The following ZC3H7B variants were observed in gnomAD, a reference collection of about 807,000 sequenced individuals.
The protein encoded by ZC3H7B is zinc finger CCCH-type containing 7B.
In ZC3H7B, 35 loss-of-function variants were observed where a neutral mutation model predicts 116.0. That is an observed-to-expected ratio of 0.30 (90% CI 0.23 to 0.40). The LOEUF (loss-of-function observed/expected upper bound fraction) is 0.40, where lower values mean the gene tolerates loss of function less well. Among genes scored for constraint, ZC3H7B ranks in the 10% least tolerant of loss-of-function variants. The probability of loss-of-function intolerance (pLI) is 1.00; values close to 1 mark genes in which losing one functional copy is unlikely to be tolerated. For missense variants in ZC3H7B, 1,011 were observed against 1,321.5 expected, an observed-to-expected ratio of 0.77 and a Z score of 3.64; for synonymous variants, 502 against 545.6, an observed-to-expected ratio of 0.92 and a Z score of 1.11.
At chr22:41,314,002 G>A (rs760002653) in intron 1 of ZC3H7B, among the ~76,000 whole-genome samples, 24 of 151,364 alleles carry the variant, frequency 1.6e-4, no homozygotes, top group Non-Finnish European at 3.2e-4. Flanking sequence ...AGATCTGCCC[G>A]CCTCAGCCTC....
At chr22:41,315,355 T>TTTTG (rs1426270880) in intron 1 of ZC3H7B, among the ~76,000 whole-genome samples, 1 of 148,858 alleles carries the variant, frequency 6.7e-6, no homozygotes, top group Non-Finnish European at 1.5e-5. Flanking sequence ...TTCTAGTGTT[T>TTTTG]TTTTTTTTTT....
In ZC3H7B at chr22:41,325,729, G is replaced by C. The variant is rs146392494; in HGVS notation, c.96G>C (p.Leu32=). The C allele has an allele frequency of 6.2e-7, 1 of 1,613,166 alleles. No individual in the cohort carries two copies. Among genetic ancestry groups the C allele is most frequent in the African/African-American group, 1.3e-5 (1 of 74,942 alleles). Residue 32 remains leucine, a synonymous_variant, in exon 4 of 23, where the codon CTG becomes CTC. Coordinates refer to ENST00000352645, the MANE Select transcript of ZC3H7B (RefSeq NM_017590.6). The part of the protein sequence containing the change: ...PLKQEEYEAF[L]LKLVQNLFAE... ...CACCTTGCCCCCAACAGGCCTTTCT[G>C]CTCAAGCTGGTGCAGAATCTGTTTG...
intron 18 of ZC3H7B, 51 bp from the exon 19 acceptor site, chr22:41,355,706 C>G (rs370310848): frequency 6.2e-7 from 1 of 1,612,376 alleles, no homozygotes; most frequent in Non-Finnish European, 8.5e-7. Flanking sequence ...AGAGGTCACA[C>G]AGCACACAGG....
chr22:41,339,226 C>T (rs370577576), intron 9 of ZC3H7B, 35 bp downstream of exon 9: 7 of 1,566,502 alleles, frequency 4.5e-6, no homozygotes, highest in Non-Finnish European at 6.1e-6. Flanking sequence ...CTCCCCTGAT[C>T]CCCTCTCCCC....
rs1321132601 is a variant in ZC3H7B, at chr22:41,346,808, TA to T, written c.1665+605del. Among the ~76,000 whole-genome samples the T allele has an allele frequency of 1.3e-5, 2 of 151,424 alleles. No individual in the cohort carries two copies. The highest frequency in any genetic ancestry group is 3.9e-4 in the East Asian group (2 of 5,152). On this transcript the variant is annotated intron_variant, in intron 14 of 22. Transcript: ENST00000352645. This position sits in a 1 kb window ranked among gnomAD's most constrained non-coding sequence, Gnocchi z 5.3. ...TAGAGACTCCATCTCAAAAAAAAAT[TA>T]AAAATTAGCTGGGCTTGGTGGCATG...
intron 13 of ZC3H7B, 88 bp from the exon 14 acceptor site, chr22:41,345,915 G>C (rs1398979905): frequency 3.6e-6 from 5 of 1,376,822 alleles, no homozygotes; most frequent in Non-Finnish European, 5.1e-6. Flanking sequence ...CATGGGGCCA[G>C]AGCCCCACAG....
chr22:41,354,655 A>C (rs558437522), intron 17 of ZC3H7B, among the ~76,000 whole-genome samples: 14 of 152,298 alleles, frequency 9.2e-5, no homozygotes, highest in African/African-American at 3.4e-4. Context: ...TTCACAGAAC[A>C]GCAGGCTGGC....
chr22:41,303,542 C>T (rs775327527), intron 1 of ZC3H7B, among the ~76,000 whole-genome samples: 1 of 152,096 alleles, frequency 6.6e-6, no homozygotes, highest in Non-Finnish European at 1.5e-5. Flanking sequence ...TAGTTTATAA[C>T]AAAAGGGCTT....
intron 6 of ZC3H7B, among the ~76,000 whole-genome samples, chr22:41,331,731 TGTG>T (rs2036386901): frequency 6.6e-6 from 1 of 151,582 alleles, no homozygotes; most frequent in Non-Finnish European, 1.5e-5. Context: ...ATTAGCCTGG[TGTG>T]GTGGTGCATG....
chr22:41,306,739 T>C (rs2036046249), intron 1 of ZC3H7B, among the ~76,000 whole-genome samples: 2 of 152,276 alleles, frequency 1.3e-5, no homozygotes, highest in African/African-American at 4.8e-5. Context: ...GTGAAGAAAC[T>C]GTGGCATAGA....
chr22:41,307,067 G>C lies in ZC3H7B; in HGVS notation c.-7+5295G>C, dbSNP rs567638651. Among the ~76,000 whole-genome samples, 6 of 149,844 alleles carry C rather than the reference G, an allele frequency of 4.0e-5. No individual in the cohort carries two copies. In the South Asian group the frequency reaches 1.1e-3, roughly 27 times the overall value. On this transcript the variant is annotated intron_variant, in intron 1 of 22. Transcript: ENST00000352645. ...TGGCTCACTGCAACCTCTGCCTCCC[G>C]GGTTCAAGCAATTCTCCTGCCTCAG...
chr22:41,303,345 G>C (rs1302884569), intron 1 of ZC3H7B, among the ~76,000 whole-genome samples: 1 of 152,182 alleles, frequency 6.6e-6, no homozygotes, highest in Non-Finnish European at 1.5e-5. Context: ...GTTCTTAGCT[G>C]CTGGCTTTTG....
chr22:41,340,682 T>C (rs969202858), intron 10 of ZC3H7B, among the ~76,000 whole-genome samples: 5 of 151,972 alleles, frequency 3.3e-5, no homozygotes, highest in African/African-American at 1.2e-4. Context: ...CTGGAGGAAG[T>C]GATGACTAGG....
intron 1 of ZC3H7B, among the ~76,000 whole-genome samples, chr22:41,316,043 G>C (rs2036179112): frequency 6.6e-6 from 1 of 151,586 alleles, no homozygotes; most frequent in African/African-American, 2.4e-5. Flanking sequence ...GCCCAGGCTG[G>C]AGTGCAATGG....
At chr22:41,353,861 T>C (rs1390583237) in intron 17 of ZC3H7B, among the ~76,000 whole-genome samples, 1 of 152,158 alleles carries the variant, frequency 6.6e-6, no homozygotes, top group Admixed American at 6.5e-5. Flanking sequence ...AGTCCTCTTT[T>C]CCCCTCCCCA....
At chr22:41,305,703 C>T (rs1018688795) in intron 1 of ZC3H7B, among the ~76,000 whole-genome samples, 2 of 152,110 alleles carry the variant, frequency 1.3e-5, no homozygotes, top group Non-Finnish European at 2.9e-5. Flanking sequence ...GAAGGAGGAC[C>T]GGTCCCTGAG....
rs2036653535 is a variant in ZC3H7B, at chr22:41,351,507, C to G, written c.1949-54C>G. 1 of 1,546,616 alleles carries G rather than the reference C, an allele frequency of 6.5e-7. No individual in the cohort carries two copies. Among genetic ancestry groups the G allele is most frequent in the Admixed American group, 1.9e-5 (1 of 52,956 alleles). On this transcript the variant is annotated intron_variant, in intron 16 of 22. Coordinates refer to ENST00000352645, the MANE Select transcript of ZC3H7B (RefSeq NM_017590.6). The surrounding 1 kb of genome is among the most constrained non-coding windows in gnomAD (Gnocchi z 5.1). ...CTGGCACCTCGTGGACCCCCTGCCT[C>G]CCTCCTTGCTGAGCACCTTGAAAGA... is the stretch of plus-strand genomic sequence containing the variant.
chr22:41,354,386 G>A (rs1233208958), intron 17 of ZC3H7B, among the ~76,000 whole-genome samples: 1 of 152,188 alleles, frequency 6.6e-6, no homozygotes, highest in African/African-American at 2.4e-5. Flanking sequence ...TTCTGGGGCT[G>A]AGCAGCCCAC....
At chr22:41,316,894 G>C (rs1205944027) in intron 1 of ZC3H7B, among the ~76,000 whole-genome samples, 2 of 152,056 alleles carry the variant, frequency 1.3e-5, no homozygotes, top group African/African-American at 2.4e-5. Flanking sequence ...CCAGGCTGGG[G>C]TGCAGTGGCA....
Sources: allele counts gnomAD v4.1 joint callset (sites outside exome capture counted in the v4.1 genomes callset), GRCh38; gene constraint gnomAD v4.1.1; non-coding constraint Gnocchi (gnomAD v3.1); transcripts MANE v1.5; gene names NCBI Gene and HGNC (gene_info 2026-07-23, HGNC 2026-07-21).